The following BRIP1 variants were observed in gnomAD, a reference collection of about 807,000 sequenced individuals.
The protein encoded by BRIP1 is BRCA1 interacting DNA helicase 1, also known as Fanconi anemia group J protein.
BRIP1 carries 88 observed loss-of-function variants against 119.7 expected under a neutral mutation model. The ratio of observed to expected loss-of-function variants is 0.74; its 90% confidence interval spans 0.62 to 0.88. BRIP1 has a LOEUF of 0.88. BRIP1 is among the 40% of genes least tolerant of loss of function. The probability of loss-of-function intolerance (pLI) is 0.00; values close to 1 mark genes in which losing one functional copy is unlikely to be tolerated. For missense variants in BRIP1, 1,259 were observed against 1,455.4 expected (o/e 0.87, Z 2.20); for synonymous variants, 443 against 496.5 (o/e 0.89, Z 1.43).
At chr17:61,849,494 T>C (rs995942265) in intron 4 of BRIP1, among the ~76,000 whole-genome samples, 2 of 152,226 alleles carry the variant, frequency 1.3e-5, no homozygotes, top group African/African-American at 4.8e-5. Context: ...AATCGCCTTA[T>C]GTACTTGTAG....
Position 61,768,567 on chromosome 17 carries a change from C to T in BRIP1, c.2097+7834G>A, listed in dbSNP as rs1323943020. Among the ~76,000 whole-genome samples, 3 of 152,202 alleles carry T rather than the reference C, an allele frequency of 2.0e-5. No individual in the cohort carries two copies. The highest frequency in any genetic ancestry group is 2.1e-4 in the South Asian group (1 of 4,818). On this transcript the variant is annotated intron_variant, in intron 14 of 19. Coordinates refer to ENST00000259008, the MANE Select transcript of BRIP1 (RefSeq NM_032043.3). This position sits in a 1 kb window ranked among gnomAD's most constrained non-coding sequence, Gnocchi z 5.0. Reference sequence around the variant, plus strand: ...TACCTAAATTTCATAAATATCATTTCACTTCTATTAATATTTTCATATGCC... The same window carrying T: ...TACCTAAATTTCATAAATATCATTTTACTTCTATTAATATTTTCATATGCC...
In BRIP1 at chr17:61,689,400, A is replaced by G. The variant is rs553460769; in HGVS notation, c.2576-3235T>C. On this transcript the variant is annotated intron_variant, in intron 18 of 19. Coordinates refer to ENST00000259008, the MANE Select transcript of BRIP1 (RefSeq NM_032043.3). The surrounding 1 kb of genome is among the most constrained non-coding windows in gnomAD (Gnocchi z 4.5). Reference sequence around the variant, plus strand: ...AAACAAAATGGAAAAAAAAAAGTGAAGGCTTATGGCTTCATTTATGACTTG... The same window carrying G: ...AAACAAAATGGAAAAAAAAAAGTGAGGGCTTATGGCTTCATTTATGACTTG... Among the ~76,000 whole-genome samples the G allele has an allele frequency of 6.6e-6, 1 of 152,274 alleles. No individual in the cohort carries two copies. The highest frequency in any genetic ancestry group is 2.4e-5 in the African/African-American group (1 of 41,558).
In BRIP1 at chr17:61,743,129, C is replaced by T. The variant is rs2144680099; in HGVS notation, c.2263G>A (p.Ala755Thr). Residue 755 changes from alanine (A) to threonine (T), a missense_variant, in exon 16 of 20, where the codon GCT becomes ACT. Coordinates refer to ENST00000259008, the MANE Select transcript of BRIP1 (RefSeq NM_032043.3). This position sits in a 1 kb window ranked among gnomAD's most constrained non-coding sequence, Gnocchi z 4.3. ...CCACGACAAACTGCTACCAGGAGAG[C>T]TCCATCTTAAACAACAGAAAAAAGC... ...AIKYKGEKDG[A>T]LLVAVCRGKV... is the part of the protein sequence containing the mutation. 6.2e-7 allele frequency: 1 copy of T among 1,613,966 alleles called. No individual in the cohort carries two copies. Among genetic ancestry groups the T allele is most frequent in the Non-Finnish European group, 8.5e-7 (1 of 1,179,900 alleles).
In BRIP1 at chr17:61,699,317, C is replaced by T. The variant is rs1028727455; in HGVS notation, c.2493-5805G>A. Among the ~76,000 whole-genome samples the T allele has an allele frequency of 2.0e-5, 3 of 152,152 alleles. No homozygotes were observed. The highest frequency in any genetic ancestry group is 7.2e-5 in the African/African-American group (3 of 41,436). Reference sequence around the variant, plus strand: ...ACTCAGCTATTTTGTAAAATACTCACTTTGCTATTTGCTTTCTATATGCCT... The same window carrying T: ...ACTCAGCTATTTTGTAAAATACTCATTTTGCTATTTGCTTTCTATATGCCT... On this transcript the variant is annotated intron_variant, in intron 17 of 19. Coordinates refer to ENST00000259008, the MANE Select transcript of BRIP1 (RefSeq NM_032043.3). This position sits in a 1 kb window ranked among gnomAD's most constrained non-coding sequence, Gnocchi z 4.8.
At position 61,746,957 on chromosome 17, in the gene BRIP1, T is replaced by C. The variant is rs1209669677; in HGVS notation, c.2098-2366A>G. Among the ~76,000 whole-genome samples the C allele has an allele frequency of 2.6e-5, 4 of 152,096 alleles. No homozygotes were observed. The East Asian group carries it at 5.8e-4, about 22-fold the overall frequency. On this transcript the variant is annotated intron_variant, in intron 14 of 19. Transcript: ENST00000259008. The surrounding 1 kb of genome is among the most constrained non-coding windows in gnomAD (Gnocchi z 4.9). ...AGGTAACAAAGCAAGTCTTAACAAA[T>C]GTAAGATAAAAATTAATACCAGGTA...
chr17:61,863,422 G>A lies in BRIP1; in HGVS notation c.-169C>T, dbSNP rs1256595993. ...CGAGCCCTTCCTCCTCCCTCTTCCT[G>A]GGGGTGCTGCTACTTCCCCGGCCTT... is the stretch of plus-strand genomic sequence containing the variant. On this transcript the variant is annotated 5_prime_UTR_variant, in exon 1 of 20. Coordinates refer to ENST00000259008, the MANE Select transcript of BRIP1 (RefSeq NM_032043.3). The A allele has an allele frequency of 6.6e-6, 1 of 152,264 alleles. No homozygotes were observed. The highest frequency in any genetic ancestry group is 1.5e-5 in the Non-Finnish European group (1 of 68,158). 9.4% of individuals were successfully genotyped at this position (152,264 alleles called of 1,614,324 possible).
chr17:61,744,100 CATCAGA>C lies in BRIP1; in HGVS notation c.2257+326_2257+331del, dbSNP rs2077024219. 6.6e-6 allele frequency among the ~76,000 whole-genome samples: 1 copy of C among 152,138 alleles called. No homozygotes were observed. Among genetic ancestry groups the C allele is most frequent in the South Asian group, 2.1e-4 (1 of 4,826 alleles). On this transcript the variant is annotated intron_variant, in intron 15 of 19. Coordinates refer to ENST00000259008, the MANE Select transcript of BRIP1 (RefSeq NM_032043.3). The surrounding 1 kb of genome is among the most constrained non-coding windows in gnomAD (Gnocchi z 5.0). ...ATACAAGCACCAAGTGTACTAAATG[CATCAGA>C]ATATAGGTCTCATTTGGCTAGTAAG...
rs1798332360 is a variant in BRIP1, at chr17:61,851,354, AAC to A, written c.380-2100_380-2099del. Among the ~76,000 whole-genome samples, 1 of 152,224 alleles carries A rather than the reference AAC, an allele frequency of 6.6e-6. No individual in the cohort carries two copies. The highest frequency in any genetic ancestry group is 2.1e-4 in the South Asian group (1 of 4,836). ...TTTCTTTCTTTATAAGGTTCTTAGA[AAC>A]ACAGTTTGAAAACCACTATACTCTA... On this transcript the variant is annotated intron_variant, in intron 4 of 19. Coordinates refer to ENST00000259008, the MANE Select transcript of BRIP1 (RefSeq NM_032043.3). This position sits in a 1 kb window ranked among gnomAD's most constrained non-coding sequence, Gnocchi z 4.6.
chr17:61,788,307 T>G (rs910522486), intron 10 of BRIP1, among the ~76,000 whole-genome samples: 1 of 152,032 alleles, frequency 6.6e-6, no homozygotes, highest in African/African-American at 2.4e-5. Context: ...AAAATAAAAT[T>G]ATAAAATTTT....
rs752411477 is a variant in BRIP1 at position 61,861,516 on chromosome 17, A to G, written c.24T>C (p.Tyr8=). ...AGTAAATCTTCACCCCACCAATTGT[A>G]TATTCAGACCACATTGAAGACATAG... MSSMWSE[Y]TIGGVKIYFP... The change falls in exon 2 of 20, where the codon TAT becomes TAC. Residue 8 remains tyrosine, a synonymous_variant. Coordinates refer to ENST00000259008, the MANE Select transcript of BRIP1 (RefSeq NM_032043.3). The surrounding 1 kb of genome is among the most constrained non-coding windows in gnomAD (Gnocchi z 4.5). 6.2e-7 allele frequency: 1 copy of G among 1,612,712 alleles called. No individual in the cohort carries two copies. The highest frequency in any genetic ancestry group is 8.5e-7 in the Non-Finnish European group (1 of 1,178,828).
In BRIP1 at chr17:61,809,011, C is replaced by A. The variant is rs965950587; in HGVS notation, c.628-254G>T. On this transcript the variant is annotated intron_variant, in intron 6 of 19. Transcript: ENST00000259008. This position sits in a 1 kb window ranked among gnomAD's most constrained non-coding sequence, Gnocchi z 5.2. ...CTTTCCAACATACCACTCTAACTCT[C>A]CAATTCCAAATGTTTTGAGTACATT... is the stretch of plus-strand genomic sequence containing the variant. 6.6e-6 allele frequency among the ~76,000 whole-genome samples: 1 copy of A among 152,130 alleles called. No individual in the cohort carries two copies. The highest frequency in any genetic ancestry group is 1.5e-5 in the Non-Finnish European group (1 of 68,016).
At chr17:61,840,350 C>A (rs1163931535) in intron 6 of BRIP1, among the ~76,000 whole-genome samples, 1 of 84,224 alleles carries the variant, frequency 1.2e-5, no homozygotes, top group Non-Finnish European at 2.3e-5. Context: ...GGGGAGACTC[C>A]GTCTCAAAAA....
chr17:61,793,624 G>C lies in BRIP1; in HGVS notation c.1446C>G (p.Ile482Met), dbSNP rs759360709. The C allele has an allele frequency of 6.2e-7, 1 of 1,607,660 alleles. No homozygotes were observed. The highest frequency in any genetic ancestry group is 2.2e-5 in the East Asian group (1 of 44,666). The stretch of plus-strand genomic sequence containing the variant: ...GCAAAATGGGAAAAGTAGCAGTGGT[G>C]ATACCCATTTTGTGTAAAGTTAAGA... ...EMLLTLHKMGITTATFPILQG... is the reference protein window; with the variant it reads ...EMLLTLHKMGMTTATFPILQG... The change falls in exon 10 of 20, where the codon ATC (isoleucine) becomes ATG (methionine). Residue 482 changes from isoleucine (I) to methionine (M), a missense_variant. Ile to Met is a conservative substitution (Grantham distance 10). This residue lies in a region of BRIP1 where 753 missense variants were observed against 891.8 expected (regional missense o/e 0.84). Transcript: ENST00000259008. The surrounding 1 kb of genome is among the most constrained non-coding windows in gnomAD (Gnocchi z 5.2).
chr17:61,801,232 C>T (rs2145330564), intron 8 of BRIP1, 21 bp downstream of exon 8: 2 of 1,591,866 alleles, frequency 1.3e-6, no homozygotes, highest in Non-Finnish European at 1.7e-6. Flanking sequence ...AGAAGGTTCT[C>T]ATTTTTACAC....
intron 6 of BRIP1, among the ~76,000 whole-genome samples, chr17:61,821,567 T>C (rs1369907789): frequency 1.3e-5 from 2 of 152,088 alleles, no homozygotes; most frequent in South Asian, 2.1e-4. Context: ...TCTCATTCTG[T>C]TGCCCAGGCT....
At position 61,726,836 on chromosome 17, in the gene BRIP1, G is replaced by T. The variant is rs2076771570; in HGVS notation, c.2380-10773C>A. Among the ~76,000 whole-genome samples the T allele has an allele frequency of 6.6e-6, 1 of 152,064 alleles. No homozygotes were observed. Among genetic ancestry groups the T allele is most frequent in the Non-Finnish European group, 1.5e-5 (1 of 68,014 alleles). ...GCATAACTATATAAAATATGCTAGT[G>T]GTGTAATCTATGAGAATGAGTGCAT... On this transcript the variant is annotated intron_variant, in intron 16 of 19. Transcript: ENST00000259008. The surrounding 1 kb of genome is among the most constrained non-coding windows in gnomAD (Gnocchi z 6.2).
intron 5 of BRIP1, 36 bp downstream of exon 5, chr17:61,849,093 T>C (rs2078776297): frequency 6.2e-7 from 1 of 1,611,438 alleles, no homozygotes; most frequent in African/African-American, 1.3e-5. Flanking sequence ...CAGCTGTAAC[T>C]AACTGGGTTA....
At chr17:61,781,585 A>G (rs1384782200) in intron 11 of BRIP1, among the ~76,000 whole-genome samples, 1 of 152,178 alleles carries the variant, frequency 6.6e-6, no homozygotes, top group African/African-American at 2.4e-5. Context: ...CATCCAGTGT[A>G]TAACTGCTTT....
Position 61,793,615 on chromosome 17 carries a change from A to G in BRIP1, c.1455T>C (p.Ala485=), listed in dbSNP as rs773489367. 3.5e-5 allele frequency: 56 copies of G among 1,607,150 alleles called. 1 individual carries two copies. The highest frequency in any genetic ancestry group is 1.6e-4 in the South Asian group (14 of 90,146). ...LTLHKMGITT[A]TFPILQGHFS... ...ATCTTACCTGCAAAATGGGAAAAGT[A>G]GCAGTGGTGATACCCATTTTGTGTA... The change falls in exon 10 of 20, where the codon GCT becomes GCC. Residue 485 remains alanine (A), a synonymous_variant. Coordinates refer to ENST00000259008, the MANE Select transcript of BRIP1 (RefSeq NM_032043.3). The surrounding 1 kb of genome is among the most constrained non-coding windows in gnomAD (Gnocchi z 5.2).
Sources: allele counts gnomAD v4.1 joint callset (sites outside exome capture counted in the v4.1 genomes callset), GRCh38; gene constraint gnomAD v4.1.1; regional missense constraint gnomAD v4.1.1; non-coding constraint Gnocchi (gnomAD v3.1); transcripts MANE v1.5; gene names NCBI Gene and HGNC (gene_info 2026-07-23, HGNC 2026-07-21).